CTIF: variants seen among roughly 807,000 people sequenced by gnomAD.
The protein encoded by CTIF is cap binding complex dependent translation initiation factor.
Under a neutral mutation model 66.0 loss-of-function variants are expected in CTIF, and 21 were observed. That is an observed-to-expected ratio of 0.32 (90% confidence interval 0.23 to 0.46). CTIF has a LOEUF of 0.46. Among genes scored for constraint, CTIF ranks in the 20% least tolerant of loss-of-function variants. CTIF has a pLI of 1.00. For missense variants in CTIF, 739 were observed against 812.7 expected (o/e 0.91, Z 1.10); for synonymous variants, 345 against 326.4 (o/e 1.06, Z -0.62).
At chr18:48,676,736 C>T (rs1354986934) in intron 6 of CTIF, among the ~76,000 whole-genome samples, 1 of 151,974 alleles carries the variant, frequency 6.6e-6, no homozygotes, top group Non-Finnish European at 1.5e-5. Flanking sequence ...CAAGTCCAGC[C>T]TTCACACGGG....
In CTIF at chr18:48,636,666, G is replaced by A; in HGVS notation, c.233G>A (p.Gly78Glu). 1 of 1,601,078 alleles carries A rather than the reference G, an allele frequency of 6.2e-7. No homozygotes were observed. Among genetic ancestry groups the A allele is most frequent in the Non-Finnish European group, 8.5e-7 (1 of 1,174,812 alleles). ...PLDSSCSFSR[G>E]RAPPQQNGSK... ...GACAGCAGCTGTTCCTTCTCCCGAG[G>A]GCGAGCCCCCCCACAGCAGGTAGGG... The change falls in exon 3 of 12, where the codon GGG becomes GAG. Residue 78 changes from glycine to glutamate, a missense_variant. This residue lies in a region of CTIF where 529 missense variants were observed against 520.3 expected (regional missense o/e 1.02). Transcript: ENST00000256413.
At chr18:48,837,845 C>A (rs549537031) in intron 10 of CTIF, among the ~76,000 whole-genome samples, 1 of 152,180 alleles carries the variant, frequency 6.6e-6, no homozygotes, top group African/African-American at 2.4e-5. Flanking sequence ...CCCTGCCCCC[C>A]ACCAACCTGT....
chr18:48,716,239 G>C (rs866593177), intron 7 of CTIF, among the ~76,000 whole-genome samples: 5 of 152,214 alleles, frequency 3.3e-5, no homozygotes, highest in African/African-American at 1.2e-4. Flanking sequence ...TCGAGGGCCT[G>C]AGCTGTAGCT....
intron 7 of CTIF, among the ~76,000 whole-genome samples, chr18:48,717,748 A>G (rs1024256638): frequency 3.3e-5 from 5 of 152,136 alleles, no homozygotes; most frequent in African/African-American, 1.2e-4. Context: ...TTTTTTAGCA[A>G]CAGGGTCTTG....
chr18:48,767,184 G>T (rs552237393), intron 9 of CTIF, among the ~76,000 whole-genome samples: 3 of 152,184 alleles, frequency 2.0e-5, no homozygotes, highest in Admixed American at 6.5e-5. Flanking sequence ...GGTGCCCAGG[G>T]TGCCTGGGTT....
At chr18:48,673,199 A>G (rs2091565345) in intron 6 of CTIF, among the ~76,000 whole-genome samples, 1 of 152,090 alleles carries the variant, frequency 6.6e-6, no homozygotes, top group Admixed American at 6.5e-5. Context: ...GGGCTGGGCC[A>G]TTTCCTTCAG....
chr18:48,765,851 T>C (rs1032485078), intron 9 of CTIF, among the ~76,000 whole-genome samples: 1 of 152,170 alleles, frequency 6.6e-6, no homozygotes, highest in African/African-American at 2.4e-5. Context: ...TTACCTGAAA[T>C]GTGGCCCTTT....
At chr18:48,714,839 TCTA>T (rs1328376620) in intron 7 of CTIF, among the ~76,000 whole-genome samples, 1 of 152,198 alleles carries the variant, frequency 6.6e-6, no homozygotes, top group Non-Finnish European at 1.5e-5. Context: ...TGTCCCTTCT[TCTA>T]CAAAATGGGT....
At chr18:48,821,456 C>T (rs1044418013) in intron 10 of CTIF, among the ~76,000 whole-genome samples, 15 of 152,262 alleles carry the variant, frequency 9.9e-5, no homozygotes, top group African/African-American at 3.4e-4. Flanking sequence ...GTCCTGGAAT[C>T]CAGATCTGAC....
chr18:48,549,503 T>C (rs1480312983), intron 1 of CTIF, among the ~76,000 whole-genome samples: 1 of 152,204 alleles, frequency 6.6e-6, no homozygotes, highest in Non-Finnish European at 1.5e-5. Flanking sequence ...CAGCGATCAT[T>C]TCAAGGACTC....
chr18:48,827,837 T>C (rs1294662598), intron 10 of CTIF, among the ~76,000 whole-genome samples: 1 of 152,016 alleles, frequency 6.6e-6, no homozygotes, highest in East Asian at 1.9e-4. Flanking sequence ...TTCGTTCCCC[T>C]CTTCCGCTCA....
chr18:48,686,263 G>A (rs1232713491), intron 6 of CTIF, among the ~76,000 whole-genome samples: 2 of 152,038 alleles, frequency 1.3e-5, no homozygotes, highest in Non-Finnish European at 2.9e-5. Context: ...TATTCTAAGG[G>A]TTATAATCCA....
intron 1 of CTIF, among the ~76,000 whole-genome samples, chr18:48,559,842 G>A (rs976433556): frequency 1.3e-5 from 2 of 152,102 alleles, no homozygotes; most frequent in African/African-American, 4.8e-5. Flanking sequence ...AAAACGACCT[G>A]TTGGGTACAG....
rs1033510648 is a variant in CTIF at position 48,761,959 on chromosome 18, A to G, written c.1371+270A>G. On this transcript the variant is annotated intron_variant, in intron 9 of 11. Coordinates refer to ENST00000256413, the MANE Select transcript of CTIF (RefSeq NM_014772.3). The surrounding 1 kb of genome is among the most constrained non-coding windows in gnomAD (Gnocchi z 4.2). ...GTTTAACCAGCCTTTCCCACTTTCT[A>G]TTTTCATAAGAGGCTGGCTCTTGGT... Among the ~76,000 whole-genome samples, 3 of 152,154 alleles carry G rather than the reference A, an allele frequency of 2.0e-5. No individual in the cohort carries two copies. The highest frequency in any genetic ancestry group is 4.1e-4 in the South Asian group (2 of 4,824).
chr18:48,761,345 C>A lies in CTIF; in HGVS notation c.1072-45C>A. On this transcript the variant is annotated intron_variant, in intron 8 of 11. Coordinates refer to ENST00000256413, the MANE Select transcript of CTIF (RefSeq NM_014772.3). The surrounding 1 kb of genome is among the most constrained non-coding windows in gnomAD (Gnocchi z 4.2). ...CCACCAGGCCACCCCTGCACAGAGA[C>A]CTCGGCTTCACTCAGGCACATTCAT... The A allele has an allele frequency of 6.3e-7, 1 of 1,586,130 alleles. No individual in the cohort carries two copies. The highest frequency in any genetic ancestry group is 8.6e-7 in the Non-Finnish European group (1 of 1,163,858).
In CTIF at chr18:48,777,906, G is replaced by A. The variant is rs117053173; in HGVS notation, c.1371+16217G>A. ...CTTGTACAGAGGCAAAGGGGCTTCCGTGTGGGGTGTCAGCTCCTTCCACAC... is the reference window on the plus strand; with the variant it reads ...CTTGTACAGAGGCAAAGGGGCTTCCATGTGGGGTGTCAGCTCCTTCCACAC... On this transcript the variant is annotated intron_variant, in intron 9 of 11. Transcript: ENST00000256413. Among the ~76,000 whole-genome samples, 135 of 152,286 alleles carry A rather than the reference G, an allele frequency of 8.9e-4. 3 individuals carry two copies. In the East Asian group the frequency reaches 0.026, roughly 29 times the overall value.
In CTIF at chr18:48,567,967, AACAGGCTCCTGCCTGGCAAGTC is replaced by A. The variant is rs1383471762; in HGVS notation, c.-29+28661_-29+28682del. 16 of 152,288 alleles carry A rather than the reference AACAGGCTCCTGCCTGGCAAGTC, an allele frequency of 1.1e-4. No individual in the cohort carries two copies. The East Asian group carries it at 3.1e-3, about 29-fold the overall frequency. 9.4% of individuals were successfully genotyped at this position (152,288 alleles called of 1,614,324 possible). On this transcript the variant is annotated intron_variant, in intron 1 of 11. Transcript: ENST00000256413. ...GAACAGCTGAATGTGGCTCTAGAGAAACAGGCTCCTGCCTGGCAAGTCACAGGGTTGTGAATAAATCACTCAT... is the reference window on the plus strand; with the variant it reads ...GAACAGCTGAATGTGGCTCTAGAGAAACAGGGTTGTGAATAAATCACTCAT...
At chr18:48,787,175 G>A (rs1054906670) in intron 9 of CTIF, among the ~76,000 whole-genome samples, 6 of 151,950 alleles carry the variant, frequency 3.9e-5, no homozygotes, top group Non-Finnish European at 5.9e-5. Context: ...AAGGATGACC[G>A]ACATCCACCC....
chr18:48,663,856 G>A (rs374938044), intron 4 of CTIF, 31 bp downstream of exon 4: 4 of 1,601,932 alleles, frequency 2.5e-6, no homozygotes, highest in South Asian at 2.2e-5. Flanking sequence ...TCCCTGTGGT[G>A]TGAGGTCCAG....
Sources: allele counts gnomAD v4.1 joint callset (sites outside exome capture counted in the v4.1 genomes callset), GRCh38; gene constraint gnomAD v4.1.1; regional missense constraint gnomAD v4.1.1; non-coding constraint Gnocchi (gnomAD v3.1); transcripts MANE v1.5; gene names NCBI Gene and HGNC (gene_info 2026-07-23, HGNC 2026-07-21).